ADIPOR2: variants seen among roughly 807,000 people sequenced by gnomAD.
ADIPOR2 encodes the protein adiponectin receptor protein 2.
In ADIPOR2, 18 loss-of-function variants were observed where a neutral mutation model predicts 40.9. That is an observed-to-expected ratio of 0.44 (90% CI 0.30 to 0.65). The LOEUF (loss-of-function observed/expected upper bound fraction) is 0.65, where lower values mean the gene tolerates loss of function less well. ADIPOR2 is among the 30% of genes least tolerant of loss of function. The probability of loss-of-function intolerance (pLI) is 0.09; values close to 1 mark genes in which losing one functional copy is unlikely to be tolerated. For synonymous variants in ADIPOR2, 165 were observed against 166.4 expected (o/e 0.99, Z 0.06); for missense variants, 283 against 479.2 (o/e 0.59, Z 3.82).
chr12:1,754,134 T>G, intron 1 of ADIPOR2, 124 bp from the exon 2 acceptor site: 1 of 414,696 alleles, frequency 2.4e-6, no homozygotes, highest in Non-Finnish European at 4.1e-6. Flanking sequence ...AAATATAGCT[T>G]TTAAGTACAT....
rs778643792 is a variant in ADIPOR2 at position 1,780,593 on chromosome 12, C to T, written c.606C>T (p.His202=). Reference sequence around the variant, plus strand: ...GCCTTTCTTTTTCATGGCTCTTCCACACAGTCTACTGCCACTCAGAGGGGG... The same window carrying T: ...GCCTTTCTTTTTCATGGCTCTTCCATACAGTCTACTGCCACTCAGAGGGGG... ...ILCLSFSWLF[H]TVYCHSEGVS... Residue 202 remains histidine (H), a synonymous_variant, in exon 5 of 8, where the codon CAC becomes CAT. Transcript: ENST00000357103. 1.8e-5 allele frequency: 29 copies of T among 1,613,306 alleles called. No homozygotes were observed. Among genetic ancestry groups the T allele is most frequent in the Admixed American group, 1.5e-4 (9 of 59,850 alleles).
chr12:1,757,750 A>G, intron 2 of ADIPOR2: 1 of 1,194,144 alleles, frequency 8.4e-7, no homozygotes, highest in Non-Finnish European at 1.3e-6. Flanking sequence ...AATGCTGATG[A>G]CATCCATGAA....
intron 1 of ADIPOR2, among the ~76,000 whole-genome samples, chr12:1,743,723 T>C (rs147300369): frequency 6.6e-6 from 1 of 152,220 alleles, no homozygotes; most frequent in Non-Finnish European, 1.5e-5. Flanking sequence ...GTTATTAATA[T>C]GAGTTATCTT....
chr12:1,775,267 CGTG>C, intron 3 of ADIPOR2, among the ~76,000 whole-genome samples: 1 of 152,118 alleles, frequency 6.6e-6, no homozygotes, highest in South Asian at 2.1e-4. Context: ...TTGGCTAAGC[CGTG>C]ATCTTATTTT....
intron 1 of ADIPOR2, among the ~76,000 whole-genome samples, chr12:1,699,521 A>G (rs755299268): frequency 7.2e-5 from 11 of 152,166 alleles, no homozygotes; most frequent in Non-Finnish European, 1.5e-4. Flanking sequence ...CATCATGGCC[A>G]CTGCCTGTAA....
At chr12:1,696,389 T>A (rs1007462292) in intron 1 of ADIPOR2, 1 of 149,212 alleles carries the variant, frequency 6.7e-6, no homozygotes, top group African/African-American at 2.5e-5. Context: ...TCTCTTTTCT[T>A]TTTTCCTTCT....
chr12:1,774,398 TTGA>T (rs1229663639), intron 3 of ADIPOR2, among the ~76,000 whole-genome samples: 1 of 152,232 alleles, frequency 6.6e-6, no homozygotes. Flanking sequence ...TAGCAGTTTG[TTGA>T]TGACAGCAGA....
rs115433181 is a variant in ADIPOR2, at chr12:1,693,892, G to A, written c.-87+2701G>A. Among the ~76,000 whole-genome samples, 664 of 152,146 alleles carry A rather than the reference G, an allele frequency of 4.4e-3. 5 individuals carry two copies. The highest frequency in any genetic ancestry group is 0.015 in the African/African-American group (633 of 41,506). On this transcript the variant is annotated intron_variant, in intron 1 of 7. Transcript: ENST00000357103. ...TTGTATTTGGATTTTGATTGCTTTT[G>A]TATTTTCTGCATTGGAGGTCTTTCT...
intron 2 of ADIPOR2, among the ~76,000 whole-genome samples, chr12:1,759,313 T>C (rs1862218680): frequency 6.6e-6 from 1 of 152,258 alleles, no homozygotes. Context: ...TTCCCTCTTT[T>C]AGAAGATGCA....
intron 1 of ADIPOR2, among the ~76,000 whole-genome samples, chr12:1,721,073 A>G (rs1266182838): frequency 6.6e-6 from 1 of 152,122 alleles, no homozygotes; most frequent in Non-Finnish European, 1.5e-5. Flanking sequence ...TCTTACATAT[A>G]TTGATCGGTG....
intron 1 of ADIPOR2, among the ~76,000 whole-genome samples, chr12:1,735,835 T>C (rs974732513): frequency 4.6e-5 from 7 of 152,254 alleles, no homozygotes; most frequent in African/African-American, 1.7e-4. Flanking sequence ...AGGCCTTTTC[T>C]GCATCTATTG....
intron 1 of ADIPOR2, among the ~76,000 whole-genome samples, chr12:1,733,500 TTCTA>T (rs751679201): frequency 1.3e-5 from 2 of 152,220 alleles, no homozygotes; most frequent in Non-Finnish European, 2.9e-5. Context: ...TCAGAGTTTC[TTCTA>T]TCTTTTTTGT....
At chr12:1,748,972 T>C (rs2094763087) in intron 1 of ADIPOR2, among the ~76,000 whole-genome samples, 1 of 152,130 alleles carries the variant, frequency 6.6e-6, no homozygotes, top group African/African-American at 2.4e-5. Context: ...ACACCAGTCA[T>C]AAGTCGGGGC....
At chr12:1,696,383 T>C (rs949523075) in intron 1 of ADIPOR2, 1 of 148,048 alleles carries the variant, frequency 6.8e-6, no homozygotes, top group Non-Finnish European at 1.5e-5. Context: ...TTTCTTTCTC[T>C]TTTCTTTTTT....
At chr12:1,739,098 T>C (rs35916161) in intron 1 of ADIPOR2, among the ~76,000 whole-genome samples, 3,098 of 152,330 alleles carry the variant, frequency 0.02, 120 homozygotes, top group Admixed American at 0.1. Flanking sequence ...AAGAGGAATT[T>C]TAAGTCAAAG....
At chr12:1,725,447 C>G (rs545560855) in intron 1 of ADIPOR2, among the ~76,000 whole-genome samples, 1 of 152,202 alleles carries the variant, frequency 6.6e-6, no homozygotes, top group Non-Finnish European at 1.5e-5. Flanking sequence ...ACCAAATGGA[C>G]TATAAATCAA....
chr12:1,695,368 A>AT (rs2094636312), intron 1 of ADIPOR2, among the ~76,000 whole-genome samples: 1 of 151,308 alleles, frequency 6.6e-6, no homozygotes, highest in Admixed American at 6.6e-5. Flanking sequence ...AAAAAAAAAA[A>AT]GTGGGCTGAG....
At chr12:1,752,912 T>C (rs547464483) in intron 1 of ADIPOR2, among the ~76,000 whole-genome samples, 2 of 152,352 alleles carry the variant, frequency 1.3e-5, no homozygotes, top group Admixed American at 6.5e-5. Flanking sequence ...ATAATCTCAA[T>C]AGTATCATGT....
intron 7 of ADIPOR2, among the ~76,000 whole-genome samples, chr12:1,784,585 G>C (rs1862790994): frequency 6.6e-6 from 1 of 152,180 alleles, no homozygotes; most frequent in Non-Finnish European, 1.5e-5. Context: ...ATTTCTATCA[G>C]GGTCTTTTTT....
Sources: gnomAD v4.1 joint callset for allele counts (sites outside exome capture counted in the v4.1 genomes callset) on GRCh38, gnomAD v4.1.1 for gene constraint, MANE v1.5 for transcripts, NCBI Gene and HGNC (gene_info 2026-07-23, HGNC 2026-07-21) for gene names.